TOR1AIP1: variants seen among roughly 807,000 people sequenced by gnomAD.
TOR1AIP1 encodes torsin-1A-interacting protein 1.
A neutral mutation model predicts 63.3 loss-of-function variants in TOR1AIP1; 54 were observed. The observed-to-expected ratio is 0.85, with a 90% CI of 0.69 to 1.07. The LOEUF is 1.07. TOR1AIP1 is among the 50% of genes least tolerant of loss of function. TOR1AIP1 has a pLI of 0.00. For missense variants in TOR1AIP1, 736 were observed against 715.0 expected (o/e 1.03, Z -0.33); for synonymous variants, 294 against 273.5 (o/e 1.07, Z -0.74).
chr1:179,904,583 G>A (rs1206244955), intron 6 of TOR1AIP1: 1 of 152,130 alleles, frequency 6.6e-6, no homozygotes, highest in African/African-American at 2.4e-5. Context: ...TGCTAATAAT[G>A]ATTTGCTTAA....
At chr1:179,892,912 G>T (rs1011195462) in intron 3 of TOR1AIP1, among the ~76,000 whole-genome samples, 1 of 152,068 alleles carries the variant, frequency 6.6e-6, no homozygotes, top group Non-Finnish European at 1.5e-5. Context: ...TTAAAAAAGA[G>T]ATTTTCATTT....
chr1:179,898,912 T>A (rs947687937), intron 3 of TOR1AIP1, among the ~76,000 whole-genome samples: 6 of 151,982 alleles, frequency 3.9e-5, no homozygotes, highest in South Asian at 2.1e-4. Flanking sequence ...TTTTTTTTTT[T>A]AAATAAAAAA....
chr1:179,886,468 G>C (rs1398162440), intron 2 of TOR1AIP1, among the ~76,000 whole-genome samples: 1 of 152,146 alleles, frequency 6.6e-6, no homozygotes, highest in African/African-American at 2.4e-5. Context: ...GCCTTTACCT[G>C]TGTTATTTGC....
At chr1:179,910,608 G>A (rs1189851500) in intron 8 of TOR1AIP1, among the ~76,000 whole-genome samples, 2 of 152,184 alleles carry the variant, frequency 1.3e-5, no homozygotes, top group African/African-American at 4.8e-5. Context: ...ACCTATTATA[G>A]TTAGGAAACC....
rs369458113 is a variant in TOR1AIP1, at chr1:179,907,809, G to T, written c.797-14G>T. ...TCAAGTATTCTATGACCTTATCCCT[G>T]TTTTCTGTTTCAGGTCAAAACTTCA... On this transcript the variant is annotated splice_polypyrimidine_tract_variant and intron_variant, in intron 6 of 9. Coordinates refer to ENST00000606911, the MANE Select transcript of TOR1AIP1 (RefSeq NM_015602.4). The T allele has an allele frequency of 1.8e-5, 28 of 1,573,748 alleles. No homozygotes were observed. The highest frequency in any genetic ancestry group is 2.3e-5 in the Non-Finnish European group (27 of 1,159,184).
intron 3 of TOR1AIP1, among the ~76,000 whole-genome samples, chr1:179,890,901 T>C (rs943008293): frequency 2.6e-5 from 4 of 152,182 alleles, no homozygotes; most frequent in African/African-American, 9.6e-5. Flanking sequence ...ATTATTGGCA[T>C]GCACAACTGC....
rs1648268724 is a variant in TOR1AIP1 at position 179,896,401 on chromosome 1, T to G, written c.611-3725T>G. 2.0e-5 allele frequency among the ~76,000 whole-genome samples: 3 copies of G among 152,016 alleles called. No homozygotes were observed. In the South Asian group the frequency reaches 6.2e-4, roughly 32 times the overall value. Reference sequence around the variant, plus strand: ...TGGGATTACAAGGCATGAGCCACCATGCCCAGCCAAACATTTTTAAACACC... The same window carrying G: ...TGGGATTACAAGGCATGAGCCACCAGGCCCAGCCAAACATTTTTAAACACC... On this transcript the variant is annotated intron_variant, in intron 3 of 9. Transcript: ENST00000606911.
intron 5 of TOR1AIP1, among the ~76,000 whole-genome samples, 159 bp downstream of exon 5, chr1:179,901,547 A>G (rs1049591822): frequency 6.6e-6 from 1 of 152,182 alleles, no homozygotes; most frequent in Non-Finnish European, 1.5e-5. Flanking sequence ...TTTCGTGTTC[A>G]TCCGATTAAT....
intron 9 of TOR1AIP1, among the ~76,000 whole-genome samples, chr1:179,917,071 A>T (rs1204931417): frequency 6.6e-6 from 1 of 152,178 alleles, no homozygotes; most frequent in East Asian, 1.9e-4. Flanking sequence ...TTACTAAATT[A>T]AAAAAATATT....
At chr1:179,907,913 CTTTTTTTTT>C (rs34218138) in intron 7 of TOR1AIP1, 49 bp downstream of exon 7, 14 of 356,102 alleles carry the variant, frequency 3.9e-5, no homozygotes, top group South Asian at 1.3e-4. Context: ...ATTCTTTTCT[CTTTTTTTTT>C]TTTTTTTTTT....
chr1:179,885,769 C>T (rs572753966), intron 2 of TOR1AIP1, among the ~76,000 whole-genome samples: 1 of 152,102 alleles, frequency 6.6e-6, no homozygotes, highest in South Asian at 2.1e-4. Flanking sequence ...GAGACAAAGT[C>T]TCGCTCTGTT....
At chr1:179,907,507 C>G (rs184955626) in intron 6 of TOR1AIP1, among the ~76,000 whole-genome samples, 1 of 144,296 alleles carries the variant, frequency 6.9e-6, no homozygotes, top group Non-Finnish European at 1.5e-5. Context: ...TTTGATGGTA[C>G]TGATCCTAAA....
chr1:179,887,550 T>C (rs191730914), intron 2 of TOR1AIP1, among the ~76,000 whole-genome samples: 1 of 152,354 alleles, frequency 6.6e-6, no homozygotes, highest in Admixed American at 6.5e-5. Flanking sequence ...TGTTTGAAAT[T>C]CCATAATTGA....
intron 3 of TOR1AIP1, among the ~76,000 whole-genome samples, chr1:179,893,148 A>G (rs1359644210): frequency 1.3e-5 from 2 of 151,798 alleles, no homozygotes; most frequent in Non-Finnish European, 2.9e-5. Context: ...AGGCTGAGGC[A>G]GGGAGAATTG....
chr1:179,901,384 T>G lies in TOR1AIP1; in HGVS notation c.735T>G (p.Ser245=). 1.3e-6 allele frequency: 2 copies of G among 1,599,096 alleles called. No homozygotes were observed. The highest frequency in any genetic ancestry group is 4.5e-5 in the East Asian group (2 of 44,660). The change falls in exon 5 of 10, where the codon TCT becomes TCG. Residue 245 remains serine (S), a synonymous_variant. Coordinates refer to ENST00000606911, the MANE Select transcript of TOR1AIP1 (RefSeq NM_015602.4). ...VKARSRDSDE[S]GDKTTRSSSQ... ...CCAGATCCAGGGATTCTGATGAATC[T>G]GGAGGTAATATTGCTTTATATACAT...
At position 179,891,423 on chromosome 1, in the gene TOR1AIP1, C is replaced by T. The variant is rs180955327; in HGVS notation, c.610+2054C>T. 2.9e-3 allele frequency among the ~76,000 whole-genome samples: 437 copies of T among 152,014 alleles called. 3 individuals are homozygous for T. The highest frequency in any genetic ancestry group is 9.9e-3 in the African/African-American group (409 of 41,468). On this transcript the variant is annotated intron_variant, in intron 3 of 9. Coordinates refer to ENST00000606911, the MANE Select transcript of TOR1AIP1 (RefSeq NM_015602.4). ...ATTTTTAGTAGAGACAGGGTTTCAC[C>T]ATGTTGGCCAGGCTGGTTTCAAACT...
chr1:179,908,145 T>C (rs1476377343), intron 7 of TOR1AIP1, among the ~76,000 whole-genome samples: 3 of 151,990 alleles, frequency 2.0e-5, no homozygotes, highest in African/African-American at 7.2e-5. Flanking sequence ...CCTGACCTCA[T>C]GATCCACCTG....
At chr1:179,913,920 C>G in intron 8 of TOR1AIP1, 78 bp from the exon 9 acceptor site, 2 of 1,337,938 alleles carry the variant, frequency 1.5e-6, no homozygotes, top group Non-Finnish European at 1.0e-6. Flanking sequence ...GAATTTGTAT[C>G]TTCTTTGTCT....
At position 179,919,109 on chromosome 1, in the gene TOR1AIP1, C is replaced by G. The variant is rs2148484802; in HGVS notation, c.*870C>G. Reference sequence around the variant, plus strand: ...TGAAACCCCGTCTCTACTAAAAATACAAAAATTAGCTGGGCGTGGTGGTGC... The same window carrying G: ...TGAAACCCCGTCTCTACTAAAAATAGAAAAATTAGCTGGGCGTGGTGGTGC... On this transcript the variant is annotated 3_prime_UTR_variant, in exon 10 of 10. Coordinates refer to ENST00000606911, the MANE Select transcript of TOR1AIP1 (RefSeq NM_015602.4). 1 of 152,210 alleles carries G rather than the reference C, an allele frequency of 6.6e-6. No homozygotes were observed. Among genetic ancestry groups the G allele is most frequent in the East Asian group, 1.9e-4 (1 of 5,164 alleles). 9.4% of individuals were successfully genotyped at this position (152,210 alleles called of 1,614,324 possible).
Sources: gnomAD v4.1 joint callset for allele counts (sites outside exome capture counted in the v4.1 genomes callset) on GRCh38, gnomAD v4.1.1 for gene constraint, MANE v1.5 for transcripts, NCBI Gene and HGNC (gene_info 2026-07-23, HGNC 2026-07-21) for gene names.